The following CACNA1E variants were observed in gnomAD, a reference collection of about 807,000 sequenced individuals.
CACNA1E encodes voltage-dependent R-type calcium channel subunit alpha-1E.
CACNA1E carries 40 observed loss-of-function variants against 259.2 expected under a neutral mutation model. That is an observed-to-expected ratio of 0.15 (90% CI 0.12 to 0.20). CACNA1E has a LOEUF of 0.20. Among genes scored for constraint, CACNA1E ranks in the 10% least tolerant of loss-of-function variants. The pLI, the probability that CACNA1E is intolerant of heterozygous loss-of-function variation, is 1.00. For missense variants in CACNA1E, 1,874 were observed against 3,040.1 expected (o/e 0.62, Z 9.02); for synonymous variants, 1,104 against 1,138.5 (o/e 0.97, Z 0.61).
chr1:181,576,563 T>C (rs1650999618), intron 3 of CACNA1E, among the ~76,000 whole-genome samples: 1 of 152,228 alleles, frequency 6.6e-6, no homozygotes, highest in African/African-American at 2.4e-5. Context: ...CTTTAATACT[T>C]GAACTATTTC....
chr1:181,772,047 A>G lies in CACNA1E; in HGVS notation c.4974-19A>G. ...TCTGCAGAGCTGCTCCTGCTAACCAAAATGTCTCTTGGGCTCAGGAGTGCC... is the reference window on the plus strand; with the variant it reads ...TCTGCAGAGCTGCTCCTGCTAACCAGAATGTCTCTTGGGCTCAGGAGTGCC... On this transcript the variant is annotated intron_variant, in intron 36 of 47. Transcript: ENST00000367573. 6.2e-7 allele frequency: 1 copy of G among 1,611,260 alleles called. No homozygotes were observed. The highest frequency in any genetic ancestry group is 2.2e-5 in the East Asian group (1 of 44,808).
At chr1:181,663,978 A>G (rs1647945163) in intron 7 of CACNA1E, among the ~76,000 whole-genome samples, 1 of 152,240 alleles carries the variant, frequency 6.6e-6, no homozygotes. Flanking sequence ...TCCTATAGGC[A>G]ATTGTGGGCA....
intron 1 of CACNA1E, among the ~76,000 whole-genome samples, chr1:181,357,825 C>T (rs763713548): frequency 1.3e-5 from 2 of 152,182 alleles, no homozygotes; most frequent in Non-Finnish European, 2.9e-5. Flanking sequence ...CCTAGTTGAA[C>T]ACCATGCCTG....
At chr1:181,529,850 G>A (rs2102722660) in intron 3 of CACNA1E, among the ~76,000 whole-genome samples, 1 of 152,320 alleles carries the variant, frequency 6.6e-6, no homozygotes, top group Non-Finnish European at 1.5e-5. Context: ...GCTCATAGGT[G>A]GAAGGGACTT....
At chr1:181,760,385 C>T (rs887158273) in intron 32 of CACNA1E, among the ~76,000 whole-genome samples, 1 of 152,126 alleles carries the variant, frequency 6.6e-6, no homozygotes, top group Middle Eastern at 3.2e-3. Context: ...TATACTATTT[C>T]GTTAGATCTT....
At chr1:181,496,804 G>T (rs936409085) in intron 1 of CACNA1E, among the ~76,000 whole-genome samples, 5 of 152,228 alleles carry the variant, frequency 3.3e-5, no homozygotes, top group African/African-American at 9.6e-5. Flanking sequence ...GGCCTAAAAA[G>T]TTAAAGGAAC....
chr1:181,550,711 T>C (rs1270936479), intron 3 of CACNA1E, among the ~76,000 whole-genome samples: 1 of 152,016 alleles, frequency 6.6e-6, no homozygotes, highest in African/African-American at 2.4e-5. Context: ...TTGCTAGAAA[T>C]AAATGCTTTT....
chr1:181,443,081 C>T (rs1043813066), intron 2 of CACNA1E, among the ~76,000 whole-genome samples: 5 of 152,206 alleles, frequency 3.3e-5, no homozygotes, highest in Non-Finnish European at 5.9e-5. Context: ...GAGTTTGAGT[C>T]CTGGCTCTGG....
chr1:181,504,541 C>T (rs922611518), intron 1 of CACNA1E, among the ~76,000 whole-genome samples: 1 of 152,174 alleles, frequency 6.6e-6, no homozygotes, highest in African/African-American at 2.4e-5. Flanking sequence ...GGCCTAAGTC[C>T]TTCCCAAGCA....
intron 3 of CACNA1E, among the ~76,000 whole-genome samples, chr1:181,557,242 T>G (rs1010780898): frequency 3.9e-5 from 6 of 152,184 alleles, no homozygotes; most frequent in Non-Finnish European, 5.9e-5. Flanking sequence ...ACGATGAGAT[T>G]GCTTGGAAGG....
At chr1:181,438,624 CA>C (rs750361557) in intron 2 of CACNA1E, among the ~76,000 whole-genome samples, 4 of 152,016 alleles carry the variant, frequency 2.6e-5, no homozygotes, top group Admixed American at 6.6e-5. Context: ...CAAATATAAA[CA>C]ATTAGGAGAA....
intron 7 of CACNA1E, among the ~76,000 whole-genome samples, chr1:181,691,988 T>C (rs1203538916): frequency 2.0e-5 from 3 of 152,130 alleles, no homozygotes; most frequent in Non-Finnish European, 2.9e-5. Flanking sequence ...ACAAAATCCA[T>C]ATAAAATTCA....
chr1:181,436,709 G>A (rs77877878), intron 2 of CACNA1E, among the ~76,000 whole-genome samples: 2 of 151,968 alleles, frequency 1.3e-5, no homozygotes, highest in Non-Finnish European at 2.9e-5. Flanking sequence ...GGGGACGAGG[G>A]GGGTGGATGA....
At chr1:181,719,248 A>G (rs1316424306) in intron 12 of CACNA1E, among the ~76,000 whole-genome samples, 5 of 152,250 alleles carry the variant, frequency 3.3e-5, no homozygotes, top group African/African-American at 1.2e-4. Flanking sequence ...AAATTGCTGC[A>G]TCTTGCAGCA....
intron 1 of CACNA1E, among the ~76,000 whole-genome samples, chr1:181,354,734 A>C (rs1653298633): frequency 6.6e-6 from 1 of 152,122 alleles, no homozygotes. Context: ...GGTTCCGGGA[A>C]GGTTTTAGGG....
At chr1:181,347,391 CT>C (rs1557931384) in intron 1 of CACNA1E, among the ~76,000 whole-genome samples, 1 of 152,174 alleles carries the variant, frequency 6.6e-6, no homozygotes, top group African/African-American at 2.4e-5. Context: ...CCCTGTCTTT[CT>C]TTTTTCCTCC....
At chr1:181,466,381 TA>T (rs35383451) in intron 2 of CACNA1E, among the ~76,000 whole-genome samples, 50,878 of 145,102 alleles carry the variant, frequency 0.35, 8,961 homozygotes, top group African/African-American at 0.46. Flanking sequence ...TATTTCTACT[TA>T]AAAAAAAAAA....
At chr1:181,787,683 C>T (rs115244262) in intron 43 of CACNA1E, among the ~76,000 whole-genome samples, 4,138 of 152,284 alleles carry the variant, frequency 0.027, 72 homozygotes, top group Non-Finnish European at 0.04. Context: ...GCAAACGATG[C>T]TGAAGGGTGG....
intron 3 of CACNA1E, among the ~76,000 whole-genome samples, chr1:181,519,140 G>C (rs891240836): frequency 1.3e-5 from 2 of 152,160 alleles, no homozygotes; most frequent in Non-Finnish European, 2.9e-5. Flanking sequence ...AAATCCCCAG[G>C]TATGTTTTCA....
Sources: allele counts gnomAD v4.1 joint callset (sites outside exome capture counted in the v4.1 genomes callset), GRCh38; gene constraint gnomAD v4.1.1; transcripts MANE v1.5; gene names NCBI Gene and HGNC (gene_info 2026-07-23, HGNC 2026-07-21).